The following DCAF4 variants were observed in gnomAD, a reference collection of about 807,000 sequenced individuals.
The protein encoded by DCAF4 is DDB1- and CUL4-associated factor 4.
A neutral mutation model predicts 60.9 loss-of-function variants in DCAF4; 37 were observed. The ratio of observed to expected loss-of-function variants is 0.61; its 90% confidence interval spans 0.47 to 0.80. The LOEUF (loss-of-function observed/expected upper bound fraction) is 0.80, where lower values mean the gene tolerates loss of function less well. Ranked by LOEUF, DCAF4 falls within the 30% of genes least tolerant of loss-of-function variation. The pLI is 0.00. For synonymous variants in DCAF4, 243 were observed against 254.8 expected (o/e 0.95, Z 0.44); for missense variants, 577 against 650.0 (o/e 0.89, Z 1.22).
At chr14:72,927,266 G>A (rs1011334179) in intron 1 of DCAF4, among the ~76,000 whole-genome samples, 5 of 152,028 alleles carry the variant, frequency 3.3e-5, no homozygotes, top group African/African-American at 1.2e-4. Context: ...TGAGGGGACG[G>A]CTTCCTAGAG....
chr14:72,938,093 C>G (rs1252380692), intron 2 of DCAF4, 23 bp downstream of exon 2: 1 of 1,575,020 alleles, frequency 6.3e-7, no homozygotes, highest in Non-Finnish European at 8.6e-7. Context: ...CTCTGGGGAG[C>G]CACTTTTGCC....
chr14:72,934,076 C>T (rs1402967871), intron 1 of DCAF4, among the ~76,000 whole-genome samples: 1 of 151,990 alleles, frequency 6.6e-6, no homozygotes, highest in Admixed American at 6.6e-5. Context: ...GGCTCATCCC[C>T]CCCATTTCTT....
chr14:72,926,988 G>C (rs1444905775), intron 1 of DCAF4: 2 of 152,336 alleles, frequency 1.3e-5, no homozygotes, highest in African/African-American at 4.8e-5. Context: ...CTGTGCTGCC[G>C]GCTTCACAGG....
chr14:72,945,348 A>G (rs1188738399), intron 6 of DCAF4, among the ~76,000 whole-genome samples: 1 of 151,740 alleles, frequency 6.6e-6, no homozygotes, highest in African/African-American at 2.4e-5. Context: ...AGCCATGATC[A>G]TGCTACTGCA....
At chr14:72,928,397 T>C (rs2140169448) in intron 1 of DCAF4, among the ~76,000 whole-genome samples, 1 of 150,006 alleles carries the variant, frequency 6.7e-6, no homozygotes, top group East Asian at 2.0e-4. Context: ...TTTCACCATG[T>C]TGGCCAGGAT....
intron 9 of DCAF4, among the ~76,000 whole-genome samples, chr14:72,952,856 G>A (rs1411168676): frequency 1.3e-5 from 2 of 151,142 alleles, no homozygotes; most frequent in African/African-American, 4.9e-5. Context: ...CACCACGCCC[G>A]GCTAATTTTT....
At chr14:72,927,330 T>G in intron 1 of DCAF4, among the ~76,000 whole-genome samples, 1 of 143,432 alleles carries the variant, frequency 7.0e-6, no homozygotes, top group African/African-American at 2.6e-5. Flanking sequence ...GAAATTAGAG[T>G]CGCGGTGGTG....
At chr14:72,956,126 T>C (rs1046822087) in intron 12 of DCAF4, among the ~76,000 whole-genome samples, 1 of 152,046 alleles carries the variant, frequency 6.6e-6, no homozygotes, top group Non-Finnish European at 1.5e-5. Flanking sequence ...TTTCACCATG[T>C]TGGTCAGGCT....
intron 4 of DCAF4, 160 bp downstream of exon 4, chr14:72,940,537 T>G: frequency 9.2e-6 from 6 of 651,046 alleles, no homozygotes; most frequent in South Asian, 2.5e-5. Context: ...AAGACAAGAA[T>G]AAGAACAGCC....
intron 12 of DCAF4, among the ~76,000 whole-genome samples, chr14:72,955,906 G>C (rs971607124): frequency 2.8e-5 from 4 of 141,888 alleles, no homozygotes; most frequent in Admixed American, 2.2e-4. Flanking sequence ...GGATTCTCTG[G>C]TTATGTCCTT....
rs1393422805 is a variant in DCAF4 at position 72,953,728 on chromosome 14, AAAAAATATATATATATAT to A, written c.809-434_809-417del. Among the ~76,000 whole-genome samples the A allele has an allele frequency of 7.9e-5, 3 of 37,768 alleles. 1 individual carries two copies. Among genetic ancestry groups the A allele is most frequent in the African/African-American group, 2.3e-4 (2 of 8,566 alleles). The allele number at this position is 37,768 out of a possible 152,430, so 24.8% of individuals were successfully genotyped here. ...CTGTCTTAAAAAAAAAAAAAAAAAAAAAAAATATATATATATATATATATATATATATATAGTTTATTT... is the reference window on the plus strand; with the variant it reads ...CTGTCTTAAAAAAAAAAAAAAAAAAAATATATATATATATATAGTTTATTT... On this transcript the variant is annotated intron_variant, in intron 9 of 13. Transcript: ENST00000358377.
chr14:72,939,239 T>A (rs1889702779), intron 2 of DCAF4, among the ~76,000 whole-genome samples: 1 of 152,090 alleles, frequency 6.6e-6, no homozygotes, highest in African/African-American at 2.4e-5. Flanking sequence ...CTTTACTACA[T>A]CCTTCAGCCT....
At chr14:72,956,288 G>A in intron 12 of DCAF4, 98 bp from the exon 13 acceptor site, 1 of 825,872 alleles carries the variant, frequency 1.2e-6, no homozygotes, top group East Asian at 2.7e-5. Flanking sequence ...GACCTGCACA[G>A]GCCACTGGAG....
chr14:72,960,628 ATAG>A (rs1238837534), downstream of DCAF4: 1 of 1,061,086 alleles, frequency 9.4e-7, no homozygotes, highest in Non-Finnish European at 1.2e-6. Context: ...GGATGGCTGG[ATAG>A]TAGAATGCAT....
intron 1 of DCAF4, among the ~76,000 whole-genome samples, chr14:72,933,371 C>T (rs1368158651): frequency 6.6e-6 from 1 of 152,120 alleles, no homozygotes; most frequent in Non-Finnish European, 1.5e-5. Flanking sequence ...CCAGCCTGGC[C>T]ATTATGGTGA....
chr14:72,935,397 G>C (rs1889129060), intron 1 of DCAF4, among the ~76,000 whole-genome samples: 1 of 152,110 alleles, frequency 6.6e-6, no homozygotes, highest in Non-Finnish European at 1.5e-5. Flanking sequence ...CGGGATTACA[G>C]GCACCAGCCA....
intron 1 of DCAF4, chr14:72,929,692 G>T: frequency 7.6e-7 from 1 of 1,307,340 alleles, no homozygotes; most frequent in Non-Finnish European, 1.1e-6. Flanking sequence ...GCACGGATGT[G>T]CGTCCCCACC....
At chr14:72,954,516 G>A (rs1336766040) in intron 11 of DCAF4, 33 bp downstream of exon 11, 12 of 1,606,662 alleles carry the variant, frequency 7.5e-6, no homozygotes, top group Non-Finnish European at 1.0e-5. Flanking sequence ...GAATATAAAA[G>A]TTTGCCCCAT....
chr14:72,940,024 CAG>C, intron 3 of DCAF4, 122 bp downstream of exon 3: 1 of 1,202,536 alleles, frequency 8.3e-7, no homozygotes, highest in Non-Finnish European at 1.2e-6. Context: ...CTGGGTGCGT[CAG>C]GAATGGTGGT....
Sources: allele counts gnomAD v4.1 joint callset (sites outside exome capture counted in the v4.1 genomes callset), GRCh38; gene constraint gnomAD v4.1.1; transcripts MANE v1.5; gene names NCBI Gene and HGNC (gene_info 2026-07-23, HGNC 2026-07-21).